Variants in TMEM182 observed in about 807,000 individuals in gnomAD.
The protein encoded by TMEM182 is transmembrane protein 182.
A neutral mutation model predicts 26.8 loss-of-function variants in TMEM182; 20 were observed. That is an observed-to-expected ratio of 0.75 (90% CI 0.53 to 1.09). TMEM182 has a LOEUF of 1.09. Ranked by LOEUF, TMEM182 falls within the 50% of genes least tolerant of loss-of-function variation. The pLI, the probability that TMEM182 is intolerant of heterozygous loss-of-function variation, is 0.00. For synonymous variants in TMEM182, 109 were observed against 102.2 expected (o/e 1.07, Z -0.40); for missense variants, 277 against 275.5 (o/e 1.01, Z -0.04).
At chr2:102,812,849 A>G (rs2104755108) in intron 4 of TMEM182, among the ~76,000 whole-genome samples, 1 of 152,376 alleles carries the variant, frequency 6.6e-6, no homozygotes. Flanking sequence ...TATTATGCAA[A>G]TGCCTAAGCC....
At chr2:102,773,472 A>G (rs1490825350) in intron 3 of TMEM182, among the ~76,000 whole-genome samples, 1 of 151,756 alleles carries the variant, frequency 6.6e-6, no homozygotes, top group Non-Finnish European at 1.5e-5. Flanking sequence ...AAGGGTGTTC[A>G]AGACAGAGGG....
At position 102,749,483 on chromosome 2, in the gene TMEM182, G is replaced by A. The variant is rs187685379; in HGVS notation, c.-82-8906G>A. On this transcript the variant is annotated intron_variant, in intron 1 of 5. Coordinates refer to the TMEM182 transcript ENST00000409173. ...TAGGCAATTTCTTACTGGGAAAGATGAAAACGTTCTGAAATTAGATTATGG... is the reference window on the plus strand; with the variant it reads ...TAGGCAATTTCTTACTGGGAAAGATAAAAACGTTCTGAAATTAGATTATGG... 1.6e-3 allele frequency among the ~76,000 whole-genome samples: 243 copies of A among 152,254 alleles called. 2 individuals carry two copies. Among genetic ancestry groups the A allele is most frequent in the Non-Finnish European group, 2.8e-3 (188 of 67,990 alleles).
At chr2:102,827,173 G>A (rs976971576) in intron 3 of TMEM182, among the ~76,000 whole-genome samples, 1 of 152,194 alleles carries the variant, frequency 6.6e-6, no homozygotes, top group African/African-American at 2.4e-5. Flanking sequence ...GTTCCAACTG[G>A]TGTACCACTG....
chr2:102,832,429 C>T (rs1683171078), intron 3 of TMEM182, among the ~76,000 whole-genome samples: 1 of 152,122 alleles, frequency 6.6e-6, no homozygotes, highest in Admixed American at 6.5e-5. Context: ...CTTTGAAGGC[C>T]TTTGAAGTGT....
intron 4 of TMEM182, among the ~76,000 whole-genome samples, chr2:102,808,906 TG>T (rs1308920501): frequency 2.0e-5 from 3 of 152,320 alleles, no homozygotes; most frequent in African/African-American, 7.2e-5. Context: ...ATAGATGCTT[TG>T]GGTAGGAGAG....
chr2:102,823,576 GC>G (rs1392077675), intron 3 of TMEM182, among the ~76,000 whole-genome samples: 1 of 151,868 alleles, frequency 6.6e-6, no homozygotes, highest in Non-Finnish European at 1.5e-5. Flanking sequence ...CTCGTGATCC[GC>G]CCACCTCGGC....
chr2:102,756,405 C>T (rs1680033600), intron 1 of TMEM182, among the ~76,000 whole-genome samples: 1 of 152,130 alleles, frequency 6.6e-6, no homozygotes, highest in South Asian at 2.1e-4. Context: ...TTCCCATTTT[C>T]CATATTAAAA....
chr2:102,803,922 G>A (rs7598119), intron 4 of TMEM182, among the ~76,000 whole-genome samples: 5,803 of 151,754 alleles, frequency 0.038, 379 homozygotes, highest in African/African-American at 0.13. Flanking sequence ...GCAGGCACAT[G>A]CAGCTCTGCC....
intron 3 of TMEM182, among the ~76,000 whole-genome samples, chr2:102,837,462 C>A (rs1683266804): frequency 6.9e-6 from 1 of 145,372 alleles, no homozygotes; most frequent in African/African-American, 2.5e-5. Flanking sequence ...TATGGGAACT[C>A]TTGAAACTGA....
intron 3 of TMEM182, among the ~76,000 whole-genome samples, chr2:102,788,783 T>C (rs1681510740): frequency 6.6e-6 from 1 of 152,168 alleles, no homozygotes; most frequent in African/African-American, 2.4e-5. Context: ...AAGCATCTCC[T>C]GAATCGGGCA....
chr2:102,832,111 T>C (rs1172256827), intron 3 of TMEM182, among the ~76,000 whole-genome samples: 1 of 152,168 alleles, frequency 6.6e-6, no homozygotes, highest in Non-Finnish European at 1.5e-5. Flanking sequence ...ATGGATACAG[T>C]GGTCATGTAT....
intron 3 of TMEM182, among the ~76,000 whole-genome samples, chr2:102,768,069 C>T (rs773805983): frequency 1.6e-4 from 24 of 152,310 alleles, no homozygotes; most frequent in Middle Eastern, 3.4e-3. Context: ...CCTGCCCCTA[C>T]GCCACTGGTA....
chr2:102,792,041 T>TACACAC lies in TMEM182; in HGVS notation c.332-5796_332-5791dup, dbSNP rs34305726. Among the ~76,000 whole-genome samples, 320 of 147,154 alleles carry TACACAC rather than the reference T, an allele frequency of 2.2e-3. 2 individuals carry two copies. The highest frequency in any genetic ancestry group is 7.1e-3 in the African/African-American group (287 of 40,146). On this transcript the variant is annotated intron_variant, in intron 3 of 4. Coordinates refer to ENST00000412401, the MANE Select transcript of TMEM182 (RefSeq NM_144632.5). Reference sequence around the variant, plus strand: ...ATATATATAATTTTATATGTGTGTATACACACACACACACACACACACACA... The same window carrying TACACAC: ...ATATATATAATTTTATATGTGTGTATACACACACACACACACACACACACACACACA...
chr2:102,836,191 T>C (rs1683243691), intron 3 of TMEM182, among the ~76,000 whole-genome samples: 1 of 152,210 alleles, frequency 6.6e-6, no homozygotes, highest in Non-Finnish European at 1.5e-5. Flanking sequence ...ACAGCTGCAA[T>C]AGACATCCAT....
At chr2:102,749,143 C>T (rs1177039746) in intron 1 of TMEM182, among the ~76,000 whole-genome samples, 2 of 151,926 alleles carry the variant, frequency 1.3e-5, no homozygotes, top group African/African-American at 4.8e-5. Flanking sequence ...AATCCTGAAC[C>T]TATTTTCTAA....
At chr2:102,798,432 A>T (rs1681975113) in intron 4 of TMEM182, among the ~76,000 whole-genome samples, 1 of 152,270 alleles carries the variant, frequency 6.6e-6, no homozygotes, top group African/African-American at 2.4e-5. Context: ...ATGGGTAGGC[A>T]TTTTCTGAGC....
At chr2:102,832,589 T>C (rs1432958970) in intron 3 of TMEM182, among the ~76,000 whole-genome samples, 1 of 152,202 alleles carries the variant, frequency 6.6e-6, no homozygotes, top group East Asian at 1.9e-4. Context: ...TATAATATCA[T>C]TTGAGGGACA....
chr2:102,741,861 C>T (rs1240181623), intron 1 of TMEM182, among the ~76,000 whole-genome samples: 1 of 152,094 alleles, frequency 6.6e-6, no homozygotes, highest in African/African-American at 2.4e-5. Flanking sequence ...CTGGAACCCC[C>T]AACTATGAAA....
intron 3 of TMEM182, among the ~76,000 whole-genome samples, chr2:102,773,160 A>G (rs1430348573): frequency 2.6e-5 from 4 of 152,126 alleles, no homozygotes; most frequent in Admixed American, 6.5e-5. Context: ...AGCACATACT[A>G]TATGCCAGAC....
Sources: gnomAD v4.1 joint callset for allele counts (sites outside exome capture counted in the v4.1 genomes callset) on GRCh38, gnomAD v4.1.1 for gene constraint, MANE v1.5 for transcripts, NCBI Gene and HGNC (gene_info 2026-07-23, HGNC 2026-07-21) for gene names.